PCDH9: variants seen among roughly 807,000 people sequenced by gnomAD.
The protein encoded by PCDH9 is protocadherin-9.
Under a neutral mutation model 70.6 loss-of-function variants are expected in PCDH9, and 24 were observed. The ratio of observed to expected loss-of-function variants is 0.34; its 90% confidence interval spans 0.25 to 0.48. The LOEUF (loss-of-function observed/expected upper bound fraction) is 0.48. Among genes scored for constraint, PCDH9 ranks in the 20% least tolerant of loss-of-function variants. The pLI, the probability that PCDH9 is intolerant of heterozygous loss-of-function variation, is 0.99. For missense variants in PCDH9, 1,281 were observed against 1,503.6 expected, an observed-to-expected ratio of 0.85 and a Z score of 2.45; for synonymous variants, 562 against 558.5, an observed-to-expected ratio of 1.01 and a Z score of -0.09.
intron 3 of PCDH9, among the ~76,000 whole-genome samples, chr13:66,762,787 A>C (rs533933010): frequency 2.0e-5 from 3 of 152,004 alleles, no homozygotes; most frequent in Non-Finnish European, 2.9e-5. Flanking sequence ...TGATATTATG[A>C]AACATAGACT....
chr13:66,770,790 T>TA (rs2079795424), intron 3 of PCDH9, among the ~76,000 whole-genome samples: 1 of 152,228 alleles, frequency 6.6e-6, no homozygotes. Flanking sequence ...CTTTTTGAGC[T>TA]AAAAATCCAC....
At chr13:67,096,477 T>C (rs973002110) in intron 2 of PCDH9, among the ~76,000 whole-genome samples, 2 of 152,106 alleles carry the variant, frequency 1.3e-5, no homozygotes, top group Admixed American at 1.3e-4. Flanking sequence ...CTAGATAATC[T>C]CCCCGTAGAT....
At chr13:66,401,406 G>A (rs1384760035) in intron 4 of PCDH9, among the ~76,000 whole-genome samples, 2 of 151,810 alleles carry the variant, frequency 1.3e-5, no homozygotes, top group Admixed American at 1.3e-4. Flanking sequence ...GTGTGAAGAA[G>A]TACATATTTG....
intron 3 of PCDH9, among the ~76,000 whole-genome samples, chr13:66,689,433 G>A (rs1388927546): frequency 1.3e-5 from 2 of 152,164 alleles, no homozygotes; most frequent in East Asian, 3.9e-4. Context: ...GGGAAAAAGC[G>A]TGGAGTACAT....
chr13:67,226,067 T>C lies in PCDH9; in HGVS notation c.2374A>G (p.Met792Val), dbSNP rs555154692. Residue 792 changes from methionine to valine, a missense_variant, in exon 2 of 5, where the codon ATG (methionine) becomes GTG (valine). By Grantham distance (21) the Met-to-Val change is conservative. Transcript: ENST00000377865. This position sits in a 1 kb window ranked among gnomAD's most constrained non-coding sequence, Gnocchi z 5.0. ...SYIYDLIRRT[M>V]ETPLDRNIGD... is the part of the protein sequence containing the mutation. ...ATGTTCCTGTCCAACGGGGTCTCCA[T>C]AGTCCTGCGGATCAAGTCATAGATA... is the stretch of plus-strand genomic sequence containing the variant. The C allele has an allele frequency of 6.2e-7, 1 of 1,614,112 alleles. No homozygotes were observed. The highest frequency in any genetic ancestry group is 1.7e-5 in the Admixed American group (1 of 60,014).
intron 2 of PCDH9, among the ~76,000 whole-genome samples, chr13:67,183,245 C>T (rs1422107632): frequency 6.6e-6 from 1 of 152,108 alleles, no homozygotes; most frequent in Non-Finnish European, 1.5e-5. Context: ...TCTATTTCTA[C>T]CACGTCCAAC....
chr13:66,336,946 A>C (rs1414714344), intron 4 of PCDH9, among the ~76,000 whole-genome samples: 1 of 152,112 alleles, frequency 6.6e-6, no homozygotes, highest in African/African-American at 2.4e-5. Flanking sequence ...AAAAGTAACA[A>C]AATTCTCTTT....
At chr13:66,740,093 A>C (rs1222659628) in intron 3 of PCDH9, among the ~76,000 whole-genome samples, 9 of 148,814 alleles carry the variant, frequency 6.0e-5, no homozygotes, top group African/African-American at 2.0e-4. Context: ...GTTGGAAGTA[A>C]AGCTCTCCTC....
intron 2 of PCDH9, among the ~76,000 whole-genome samples, chr13:66,930,435 T>C (rs1184202412): frequency 6.6e-6 from 1 of 152,148 alleles, no homozygotes; most frequent in Non-Finnish European, 1.5e-5. Flanking sequence ...GCTGCTTGGT[T>C]TTCCATTTCA....
intron 4 of PCDH9, among the ~76,000 whole-genome samples, chr13:66,490,471 A>G (rs1204981773): frequency 6.6e-6 from 1 of 152,186 alleles, no homozygotes; most frequent in Non-Finnish European, 1.5e-5. Flanking sequence ...ACTAAAGTGG[A>G]AAGAATAGGA....
intron 4 of PCDH9, among the ~76,000 whole-genome samples, chr13:66,322,668 T>C (rs767906275): frequency 6.6e-5 from 10 of 151,972 alleles, no homozygotes; most frequent in Non-Finnish European, 1.2e-4. Flanking sequence ...TTTTTTCAGA[T>C]AGAAAAATAC....
At chr13:66,710,521 G>T (rs1176433297) in intron 3 of PCDH9, among the ~76,000 whole-genome samples, 1 of 152,134 alleles carries the variant, frequency 6.6e-6, no homozygotes, top group African/African-American at 2.4e-5. Context: ...GTTCTGTATT[G>T]CAGTAACTCT....
chr13:66,859,085 C>G (rs1594162945), intron 3 of PCDH9: 1 of 152,170 alleles, frequency 6.6e-6, no homozygotes, highest in African/African-American at 2.4e-5. Flanking sequence ...TCATTTACAT[C>G]TCTGTCCATG....
chr13:66,966,064 T>C (rs923843998), intron 2 of PCDH9, among the ~76,000 whole-genome samples: 4 of 152,118 alleles, frequency 2.6e-5, no homozygotes, highest in African/African-American at 9.7e-5. Context: ...CATGCCATAT[T>C]TTAAAAAAAT....
chr13:66,614,184 T>G (rs1367461834), intron 4 of PCDH9, among the ~76,000 whole-genome samples: 1 of 152,164 alleles, frequency 6.6e-6, no homozygotes. Flanking sequence ...TAGTAAAAGG[T>G]TATAAGAAGG....
At chr13:66,503,204 C>A (rs1004394086) in intron 4 of PCDH9, among the ~76,000 whole-genome samples, 3 of 152,174 alleles carry the variant, frequency 2.0e-5, no homozygotes, top group African/African-American at 7.2e-5. Flanking sequence ...TCCAGTATCA[C>A]ATCATTCTTA....
At chr13:66,761,057 C>G (rs1481541817) in intron 3 of PCDH9, among the ~76,000 whole-genome samples, 4 of 152,142 alleles carry the variant, frequency 2.6e-5, no homozygotes, top group African/African-American at 9.7e-5. Flanking sequence ...TTGCCCTGGC[C>G]TTGCAATCTC....
chr13:67,192,147 T>C (rs2088933273), intron 2 of PCDH9, among the ~76,000 whole-genome samples: 1 of 152,030 alleles, frequency 6.6e-6, no homozygotes. Flanking sequence ...AAAAATATAA[T>C]ACATATTGGG....
intron 2 of PCDH9, among the ~76,000 whole-genome samples, chr13:67,154,594 A>AT (rs1351604024): frequency 1.9e-4 from 16 of 84,520 alleles, no homozygotes; most frequent in African/African-American, 5.0e-4. Flanking sequence ...AAAAAAAAAA[A>AT]AATATATATA....
Sources: allele counts gnomAD v4.1 joint callset (sites outside exome capture counted in the v4.1 genomes callset), GRCh38; gene constraint gnomAD v4.1.1; non-coding constraint Gnocchi (gnomAD v3.1); transcripts MANE v1.5; gene names NCBI Gene and HGNC (gene_info 2026-07-23, HGNC 2026-07-21).